Variants in ROBO2 observed in about 807,000 individuals in gnomAD.
ROBO2 encodes roundabout guidance receptor 2.
ROBO2 carries 53 observed loss-of-function variants against 160.8 expected under a neutral mutation model. The observed-to-expected ratio is 0.33, with a 90% confidence interval of 0.26 to 0.41. The LOEUF (loss-of-function observed/expected upper bound fraction) is 0.41, where lower values mean the gene tolerates loss of function less well. ROBO2 is among the 10% of genes least tolerant of loss of function. The probability of loss-of-function intolerance (pLI) is 1.00; values close to 1 mark genes in which losing one functional copy is unlikely to be tolerated. For missense variants in ROBO2, 1,577 were observed against 1,722.4 expected, an observed-to-expected ratio of 0.92 and a Z score of 1.49; for synonymous variants, 664 against 611.7, an observed-to-expected ratio of 1.09 and a Z score of -1.26.
intron 2 of ROBO2, among the ~76,000 whole-genome samples, chr3:76,476,843 A>G (rs189387689): frequency 4.1e-4 from 22 of 53,648 alleles, no homozygotes; most frequent in Admixed American, 2.0e-3. Context: ...GAAAAAATGG[A>G]AAAAAAATGA....
chr3:76,814,247 T>G (rs577302470), intron 2 of ROBO2, among the ~76,000 whole-genome samples: 1 of 152,228 alleles, frequency 6.6e-6, no homozygotes, highest in East Asian at 1.9e-4. Context: ...TAGATGGATA[T>G]GGTGATGGAG....
At chr3:77,011,451 C>T (rs2061918727) in intron 2 of ROBO2, among the ~76,000 whole-genome samples, 1 of 152,024 alleles carries the variant, frequency 6.6e-6, no homozygotes, top group African/African-American at 2.4e-5. Context: ...AACCTTTCAC[C>T]CTGCTAAGTG....
chr3:77,099,265 G>A (rs142418537), intron 2 of ROBO2, among the ~76,000 whole-genome samples: 9 of 151,862 alleles, frequency 5.9e-5, no homozygotes, highest in South Asian at 2.1e-4. Context: ...GGGTTTCACC[G>A]TGTTGCCCAG....
chr3:77,313,620 T>C (rs998301989), intron 2 of ROBO2, among the ~76,000 whole-genome samples: 3 of 152,118 alleles, frequency 2.0e-5, no homozygotes, highest in African/African-American at 7.2e-5. Context: ...AGTTTCGCTC[T>C]TGTTGCCCAG....
chr3:77,477,830 C>CTTTTTTTTTTTTTT (rs11371687), intron 3 of ROBO2, among the ~76,000 whole-genome samples: 1 of 84,472 alleles, frequency 1.2e-5, no homozygotes, highest in Non-Finnish European at 2.1e-5. Context: ...TATTTTAGCT[C>CTTTTTTTTTTTTTT]TTTTTTTTTT....
At chr3:76,986,009 T>C (rs1326334544) in intron 2 of ROBO2, among the ~76,000 whole-genome samples, 1 of 152,186 alleles carries the variant, frequency 6.6e-6, no homozygotes, top group East Asian at 1.9e-4. Context: ...AATGTTATTT[T>C]CTTGCCCACT....
chr3:77,535,617 TAA>T (rs1256052256), intron 6 of ROBO2, among the ~76,000 whole-genome samples: 3 of 152,208 alleles, frequency 2.0e-5, no homozygotes, highest in East Asian at 1.9e-4. Flanking sequence ...TATTTCATAT[TAA>T]GAGTCCCTTA....
At chr3:77,309,883 T>C (rs1334258704) in intron 2 of ROBO2, among the ~76,000 whole-genome samples, 2 of 152,200 alleles carry the variant, frequency 1.3e-5, no homozygotes, top group Non-Finnish European at 2.9e-5. Context: ...ACAGTAAGGC[T>C]TAAAATAAAT....
intron 2 of ROBO2, among the ~76,000 whole-genome samples, chr3:76,672,332 C>A (rs1392911356): frequency 6.6e-6 from 1 of 152,090 alleles, no homozygotes; most frequent in Non-Finnish European, 1.5e-5. Flanking sequence ...TTGGCCAGAA[C>A]TTCATGTCCT....
intron 2 of ROBO2, among the ~76,000 whole-genome samples, chr3:76,735,075 T>C (rs1054554531): frequency 6.6e-6 from 1 of 152,168 alleles, no homozygotes. Flanking sequence ...AGCAATCCCA[T>C]TACTATTAAG....
chr3:76,960,393 A>G (rs1045314514), intron 2 of ROBO2, among the ~76,000 whole-genome samples: 7 of 152,190 alleles, frequency 4.6e-5, no homozygotes, highest in African/African-American at 1.7e-4. Flanking sequence ...GTCTTTCAAC[A>G]GTACACTGAT....
chr3:77,219,894 A>G (rs768878988), intron 2 of ROBO2, among the ~76,000 whole-genome samples: 2 of 151,104 alleles, frequency 1.3e-5, no homozygotes, highest in Admixed American at 6.6e-5. Flanking sequence ...GAATTTCTTT[A>G]AGACAAAGTT....
chr3:76,121,761 G>T (rs754023146), intron 2 of ROBO2, among the ~76,000 whole-genome samples: 4 of 152,092 alleles, frequency 2.6e-5, no homozygotes, highest in Non-Finnish European at 5.9e-5. Context: ...GCTCTGTGAT[G>T]AATTATTTAA....
chr3:76,814,213 C>T (rs886508539), intron 2 of ROBO2, among the ~76,000 whole-genome samples: 7 of 152,140 alleles, frequency 4.6e-5, no homozygotes, highest in Non-Finnish European at 7.4e-5. Context: ...ACTGTTTCAA[C>T]TCAACTGTGG....
In ROBO2 at chr3:77,421,863, A is replaced by G. The variant is rs114021322; in HGVS notation, c.389-55551A>G. Among the ~76,000 whole-genome samples the G allele has an allele frequency of 4.2e-3, 639 of 152,270 alleles. 4 individuals carry two copies. The highest frequency in any genetic ancestry group is 0.015 in the African/African-American group (611 of 41,562). On this transcript the variant is annotated intron_variant, in intron 2 of 25. Transcript: ENST00000461745. ...CAAATAAATTATATCAGCCTGAAAT[A>G]ATTTTAAGTTTAAAAAACAAGATCT...
At chr3:76,564,984 AAG>A (rs1239994242) in intron 2 of ROBO2, among the ~76,000 whole-genome samples, 3 of 152,174 alleles carry the variant, frequency 2.0e-5, no homozygotes, top group Non-Finnish European at 4.4e-5. Flanking sequence ...GAAGATGAAA[AAG>A]AGGGAGGCTG....
chr3:76,724,225 C>T (rs2107754099), intron 2 of ROBO2, among the ~76,000 whole-genome samples: 1 of 152,280 alleles, frequency 6.6e-6, no homozygotes, highest in East Asian at 1.9e-4. Context: ...TCCAACACTG[C>T]AGTAGCTCCT....
chr3:77,096,452 C>CTT lies in ROBO2; in HGVS notation c.62-1550_62-1549dup, dbSNP rs535870944. 8.6e-3 allele frequency among the ~76,000 whole-genome samples: 1,225 copies of CTT among 142,908 alleles called. 12 individuals are homozygous for CTT. Among genetic ancestry groups the CTT allele is most frequent in the African/African-American group, 0.029 (1,134 of 38,972 alleles). The allele number at this position is 142,908 out of a possible 152,430, so 93.8% of individuals were successfully genotyped here. On this transcript the variant is annotated intron_variant, in intron 1 of 25. Coordinates refer to ENST00000461745, the Ensembl canonical transcript of ROBO2. The stretch of plus-strand genomic sequence containing the variant: ...TTCCTATTTCTTTTCTTTTCTTTTT[C>CTT]TTTTTTTTTTTTTGAGATGGAGTTT...
At chr3:77,141,022 T>A (rs2076659162) in intron 2 of ROBO2, among the ~76,000 whole-genome samples, 1 of 152,160 alleles carries the variant, frequency 6.6e-6, no homozygotes, top group African/African-American at 2.4e-5. Context: ...AATAGGACAT[T>A]CATTGTCAGG....
Sources: gnomAD v4.1 joint callset for allele counts (sites outside exome capture counted in the v4.1 genomes callset) on GRCh38, gnomAD v4.1.1 for gene constraint, MANE v1.5 for transcripts, NCBI Gene and HGNC (gene_info 2026-07-23, HGNC 2026-07-21) for gene names.